Variants in MAPRE3 observed in about 807,000 individuals in gnomAD.
The protein encoded by MAPRE3 is microtubule associated protein RP/EB family member 3.
A neutral mutation model predicts 30.5 loss-of-function variants in MAPRE3; 2 were observed. That is an observed-to-expected ratio of 0.07 (90% CI 0.03 to 0.21). MAPRE3 has a LOEUF of 0.21. MAPRE3 is among the 10% of genes least tolerant of loss of function. The probability of loss-of-function intolerance (pLI) is 1.00; values close to 1 mark genes in which losing one functional copy is unlikely to be tolerated. For synonymous variants in MAPRE3, 110 were observed against 127.7 expected, an observed-to-expected ratio of 0.86 and a Z score of 0.93; for missense variants, 204 against 351.8, an observed-to-expected ratio of 0.58 and a Z score of 3.36.
chr2:26,981,625 G>T (rs1290721893), intron 1 of MAPRE3, among the ~76,000 whole-genome samples: 1 of 152,170 alleles, frequency 6.6e-6, no homozygotes, highest in Admixed American at 6.5e-5. Flanking sequence ...GTCGAGCTGT[G>T]CCTTCCGGGT....
At chr2:26,971,514 A>T (rs1025180748) in intron 1 of MAPRE3, among the ~76,000 whole-genome samples, 1 of 152,120 alleles carries the variant, frequency 6.6e-6, no homozygotes, top group South Asian at 2.1e-4. Flanking sequence ...AGCGGGGAGT[A>T]GAAGTAGTGG....
intron 1 of MAPRE3, among the ~76,000 whole-genome samples, chr2:27,006,199 CAAAAACAAAAAA>C (rs771440008): frequency 8.6e-5 from 13 of 150,610 alleles, no homozygotes; most frequent in Admixed American, 4.6e-4. Flanking sequence ...AAAACAAAAA[CAAAAACAAAAAA>C]AAAACAAGTG....
intron 1 of MAPRE3, among the ~76,000 whole-genome samples, chr2:27,010,121 C>T (rs1415105142): frequency 6.6e-6 from 1 of 152,170 alleles, no homozygotes; most frequent in African/African-American, 2.4e-5. Flanking sequence ...ATTCTTCCTG[C>T]CTTAATACAG....
intron 1 of MAPRE3, among the ~76,000 whole-genome samples, chr2:26,994,613 G>A (rs949616055): frequency 6.6e-6 from 1 of 151,990 alleles, no homozygotes; most frequent in Non-Finnish European, 1.5e-5. Context: ...TCATGACATC[G>A]TTACAGTTTG....
intron 1 of MAPRE3, among the ~76,000 whole-genome samples, chr2:26,978,746 C>T (rs1184729001): frequency 1.3e-5 from 2 of 152,230 alleles, no homozygotes; most frequent in Non-Finnish European, 2.9e-5. Context: ...AGCATGCTCT[C>T]AGCACGTATT....
intron 1 of MAPRE3, among the ~76,000 whole-genome samples, chr2:26,994,731 T>C (rs948208695): frequency 1.3e-5 from 2 of 152,138 alleles, no homozygotes; most frequent in Non-Finnish European, 2.9e-5. Flanking sequence ...TCACTCTATT[T>C]CTCCTGATAG....
chr2:27,017,431 C>A (rs1041226559), intron 1 of MAPRE3, among the ~76,000 whole-genome samples: 2 of 152,230 alleles, frequency 1.3e-5, no homozygotes, highest in Non-Finnish European at 2.9e-5. Context: ...ACTGCTGCCA[C>A]TCATGGGACC....
intron 1 of MAPRE3, among the ~76,000 whole-genome samples, chr2:27,018,050 A>G (rs1667026373): frequency 6.6e-6 from 1 of 152,212 alleles, no homozygotes; most frequent in Admixed American, 6.5e-5. Flanking sequence ...ATTTCAATCA[A>G]AAACTGGAGG....
intron 1 of MAPRE3, chr2:27,013,560 C>CCATTCATT (rs144870752): frequency 6.6e-6 from 1 of 152,136 alleles, no homozygotes; most frequent in South Asian, 2.1e-4. Context: ...TTAACCTCTC[C>CCATTCATT]CATTCATTCA....
chr2:26,977,700 C>T (rs1666041136), intron 1 of MAPRE3, among the ~76,000 whole-genome samples: 1 of 152,200 alleles, frequency 6.6e-6, no homozygotes, highest in East Asian at 1.9e-4. Flanking sequence ...TAGGCTAGGC[C>T]ACTCCCCCTG....
At chr2:26,981,015 G>T (rs1666103541) in intron 1 of MAPRE3, among the ~76,000 whole-genome samples, 1 of 152,056 alleles carries the variant, frequency 6.6e-6, no homozygotes, top group African/African-American at 2.4e-5. Flanking sequence ...TTCCTCCTAA[G>T]AAAAGACCTT....
At chr2:27,019,465 C>T (rs1373105974) in intron 1 of MAPRE3, among the ~76,000 whole-genome samples, 4 of 152,152 alleles carry the variant, frequency 2.6e-5, no homozygotes, top group African/African-American at 7.2e-5. Context: ...AATGGTTCAA[C>T]GTTACTGAAC....
chr2:27,019,757 G>A (rs1009977244), intron 1 of MAPRE3, among the ~76,000 whole-genome samples: 1 of 152,226 alleles, frequency 6.6e-6, no homozygotes, highest in Non-Finnish European at 1.5e-5. Flanking sequence ...TGAAGGACAA[G>A]GTTTATTTTT....
intron 1 of MAPRE3, among the ~76,000 whole-genome samples, chr2:26,990,504 T>C (rs1666315563): frequency 6.6e-6 from 1 of 151,990 alleles, no homozygotes; most frequent in South Asian, 2.1e-4. Flanking sequence ...CATGCAACCA[T>C]CAAAGAGAAT....
At chr2:26,976,904 A>G (rs1325656543) in intron 1 of MAPRE3, among the ~76,000 whole-genome samples, 2 of 152,252 alleles carry the variant, frequency 1.3e-5, no homozygotes, top group Non-Finnish European at 2.9e-5. Flanking sequence ...AGAGGTGTGT[A>G]CAGAAATAAT....
At chr2:26,977,081 A>C (rs993237738) in intron 1 of MAPRE3, among the ~76,000 whole-genome samples, 10 of 152,230 alleles carry the variant, frequency 6.6e-5, no homozygotes, top group Admixed American at 5.9e-4. Flanking sequence ...TCAGTGAAAA[A>C]AGCAGGATGA....
intron 2 of MAPRE3, 179 bp downstream of exon 2, chr2:27,022,518 C>A (rs1421066351): frequency 3.7e-6 from 3 of 802,400 alleles, no homozygotes; most frequent in African/African-American, 1.7e-5. Context: ...TGTATTTACA[C>A]AAACCTGGAT....
chr2:26,979,510 C>T (rs531779661), intron 1 of MAPRE3, among the ~76,000 whole-genome samples: 28 of 152,276 alleles, frequency 1.8e-4, no homozygotes, highest in Admixed American at 1.7e-3. Flanking sequence ...GGCTTGAGCC[C>T]AGGAGTTTGA....
intron 1 of MAPRE3, among the ~76,000 whole-genome samples, chr2:26,997,435 C>T (rs1365961610): frequency 2.0e-5 from 3 of 152,034 alleles, no homozygotes; most frequent in Non-Finnish European, 2.9e-5. Flanking sequence ...TTCTTCTTCC[C>T]GTGTGACCCA....
Sources: allele counts gnomAD v4.1 joint callset (sites outside exome capture counted in the v4.1 genomes callset), GRCh38; gene constraint gnomAD v4.1.1; transcripts MANE v1.5; gene names NCBI Gene and HGNC (gene_info 2026-07-23, HGNC 2026-07-21).